The following SPATC1L variants were observed in gnomAD, a reference collection of about 807,000 sequenced individuals.
The protein encoded by SPATC1L is spermatogenesis and centriole associated 1 like, also known as speriolin-like protein.
Under a neutral mutation model 21.2 loss-of-function variants are expected in SPATC1L, and 20 were observed. The observed-to-expected ratio is 0.94, with a 90% CI of 0.66 to 1.37. SPATC1L has a LOEUF of 1.37. Ranked by LOEUF, SPATC1L falls within the 40% of genes most tolerant of loss-of-function variation. SPATC1L has a pLI of 0.00. For missense variants in SPATC1L, 499 were observed against 478.7 expected, an observed-to-expected ratio of 1.04 and a Z score of -0.40; for synonymous variants, 290 against 234.5, an observed-to-expected ratio of 1.24 and a Z score of -2.16.
intron 2 of SPATC1L, among the ~76,000 whole-genome samples, chr21:46,178,060 C>A (rs2079644990): frequency 6.6e-6 from 1 of 151,936 alleles, no homozygotes; most frequent in African/African-American, 2.4e-5. Context: ...ATGGTGAAAA[C>A]CATCTCTACT....
intron 2 of SPATC1L, 73 bp downstream of exon 2, chr21:46,182,551 C>G (rs1423548048): frequency 7.3e-7 from 1 of 1,369,710 alleles, no homozygotes; most frequent in African/African-American, 1.5e-5. Flanking sequence ...TGGCCGCCAC[C>G]CTCGACTCCC....
At chr21:46,168,234 A>T in intron 3 of SPATC1L, 74 bp downstream of exon 3, 1 of 1,054,640 alleles carries the variant, frequency 9.5e-7, no homozygotes, top group Non-Finnish European at 1.3e-6. Flanking sequence ...CTGCCTGACC[A>T]CCCAGTCATG....
chr21:46,169,278 C>A (rs1374706240), intron 2 of SPATC1L, among the ~76,000 whole-genome samples: 2 of 128,284 alleles, frequency 1.6e-5, no homozygotes, highest in Non-Finnish European at 3.7e-5. Flanking sequence ...TGAGGAGGAG[C>A]CCCCTGCTCT....
rs955161288 is a variant in SPATC1L, at chr21:46,168,669, G to A, written c.194-11C>T. The A allele has an allele frequency of 2.9e-6, 4 of 1,357,404 alleles. No individual in the cohort carries two copies. Among genetic ancestry groups the A allele is most frequent in the Non-Finnish European group, 3.8e-6 (4 of 1,041,678 alleles). The allele number at this position is 1,357,404 out of a possible 1,614,324, so 84.1% of individuals were successfully genotyped here. ...TTCCGAAATCTGGAACTGAGGCGGG[G>A]AGGAAAGGGATGAGAAATCAGGCTG... is the stretch of plus-strand genomic sequence containing the variant. On this transcript the variant is annotated splice_polypyrimidine_tract_variant and intron_variant, in intron 2 of 4. Transcript: ENST00000291672.
At chr21:46,177,809 T>C (rs115348784) in intron 2 of SPATC1L, among the ~76,000 whole-genome samples, 2,863 of 152,328 alleles carry the variant, frequency 0.019, 98 homozygotes, top group African/African-American at 0.065. Flanking sequence ...TAGAGACACA[T>C]GCACGCATAT....
chr21:46,182,706 C>G lies in SPATC1L; in HGVS notation c.111G>C (p.Gln37His), dbSNP rs1601396662. Residue 37 changes from glutamine to histidine, a missense_variant, in exon 2 of 5, where the codon CAG becomes CAC. Coordinates refer to ENST00000291672, the MANE Select transcript of SPATC1L (RefSeq NM_001142854.2). ...ENQMLRRLLS[Q>H]SCQEGGGHDL... ...CGTGGCCGCCGCCCTCCTGGCAGCT[C>G]TGGCTGAGCAGCCGCCGCAGCATCT... 1.3e-6 allele frequency: 2 copies of G among 1,545,688 alleles called. No individual in the cohort carries two copies. The highest frequency in any genetic ancestry group is 1.7e-6 in the Non-Finnish European group (2 of 1,146,616).
chr21:46,161,716 A>C lies in SPATC1L; in HGVS notation c.697-11T>G. Reference sequence around the variant, plus strand: ...AGACTTGGTGGAGGTCTGCGGGCGCAGCGCATGGATGGGGGTGGGGGGCTC... The same window carrying C: ...AGACTTGGTGGAGGTCTGCGGGCGCCGCGCATGGATGGGGGTGGGGGGCTC... On this transcript the variant is annotated splice_polypyrimidine_tract_variant and intron_variant, in intron 4 of 4. Transcript: ENST00000291672. 6.4e-7 allele frequency: 1 copy of C among 1,572,684 alleles called. No individual in the cohort carries two copies. The highest frequency in any genetic ancestry group is 8.6e-7 in the Non-Finnish European group (1 of 1,157,892).
At position 46,172,986 on chromosome 21, in the gene SPATC1L, C is replaced by T. The variant is rs189294791; in HGVS notation, c.194-4328G>A. Among the ~76,000 whole-genome samples the T allele has an allele frequency of 9.4e-4, 143 of 152,310 alleles. 2 individuals carry two copies. The highest frequency in any genetic ancestry group is 1.8e-4 in the Non-Finnish European group (12 of 68,030). Reference sequence around the variant, plus strand: ...ACCCCAGCTGGGGGAGACCCCTTGCCCACCATGGACACTCTAGTTGGCAGG... The same window carrying T: ...ACCCCAGCTGGGGGAGACCCCTTGCTCACCATGGACACTCTAGTTGGCAGG... On this transcript the variant is annotated intron_variant, in intron 2 of 4. Transcript: ENST00000291672.
Position 46,183,388 on chromosome 21 carries a change from AG to A in SPATC1L, c.-573del, listed in dbSNP as rs2079693217. On this transcript the variant is annotated 5_prime_UTR_variant, in exon 2 of 5. An upstream open reading frame in the 5' UTR gains an earlier in-frame stop. Coordinates refer to ENST00000291672, the MANE Select transcript of SPATC1L (RefSeq NM_001142854.2). ...ACACTTGAGGAGGGAGGGACTGGCA[AG>A]GGCAGTGGGAGGAGACCAGCATGTG... The A allele has an allele frequency of 5.9e-6, 1 of 170,456 alleles. No individual in the cohort carries two copies. The highest frequency in any genetic ancestry group is 1.2e-5 in the Non-Finnish European group (1 of 83,904). The allele number at this position is 170,456 out of a possible 1,614,324, so 10.6% of individuals were successfully genotyped here. A position where few individuals can be genotyped will look rare whatever the true frequency, so the allele number is the denominator to read the frequency against.
chr21:46,165,609 T>G (rs2079534612), intron 3 of SPATC1L, among the ~76,000 whole-genome samples: 1 of 137,094 alleles, frequency 7.3e-6, no homozygotes, highest in African/African-American at 3.1e-5. Flanking sequence ...ATAGAAACCT[T>G]CTGACTAGAA....
At chr21:46,175,607 G>C (rs2079626975) in intron 2 of SPATC1L, among the ~76,000 whole-genome samples, 1 of 152,100 alleles carries the variant, frequency 6.6e-6, no homozygotes, top group African/African-American at 2.4e-5. Flanking sequence ...GACTGAACTA[G>C]GAATAAATGG....
chr21:46,161,664 C>A lies in SPATC1L; in HGVS notation c.738G>T (p.Lys246Asn). The change falls in exon 5 of 5, where the codon AAG (lysine) becomes AAT (asparagine). Residue 246 changes from lysine to asparagine, a missense_variant. Coordinates refer to ENST00000291672, the MANE Select transcript of SPATC1L (RefSeq NM_001142854.2). The stretch of plus-strand genomic sequence containing the variant: ...GGTAGCGCTGCGTCAGCTCGCGCAG[C>A]TTCCTCTCGTCCACGGAGCCGTCCA... ...KSLDGSVDER[K>N]LRELTQRYLA... 6.2e-7 allele frequency: 1 copy of A among 1,607,966 alleles called. No homozygotes were observed. The highest frequency in any genetic ancestry group is 2.2e-5 in the East Asian group (1 of 44,744).
intron 2 of SPATC1L, among the ~76,000 whole-genome samples, chr21:46,171,984 T>C (rs1374576615): frequency 7.2e-6 from 1 of 138,450 alleles, no homozygotes; most frequent in Non-Finnish European, 1.6e-5. Flanking sequence ...CCAAAAATAA[T>C]TGCACAAAGT....
At position 46,161,368 on chromosome 21, in the gene SPATC1L, C is replaced by T. The variant is rs770195780; in HGVS notation, c.*11G>A. 1.4e-5 allele frequency: 21 copies of T among 1,503,294 alleles called. No individual in the cohort carries two copies. Among genetic ancestry groups the T allele is most frequent in the Middle Eastern group, 1.8e-4 (1 of 5,606 alleles). 93.1% of individuals were successfully genotyped at this position (1,503,294 alleles called of 1,614,324 possible). ...CGTTTACTGCAGGCAAGGCGGCGGG[C>T]GCGGGGCGGCTCACCAGGCGAAGAG... On this transcript the variant is annotated 3_prime_UTR_variant, in exon 5 of 5. Coordinates refer to ENST00000291672, the MANE Select transcript of SPATC1L (RefSeq NM_001142854.2).
intron 2 of SPATC1L, among the ~76,000 whole-genome samples, chr21:46,170,128 C>A (rs111640420): frequency 2.4e-5 from 1 of 42,114 alleles, no homozygotes; most frequent in Non-Finnish European, 5.0e-5. Flanking sequence ...TGGGGAGGAG[C>A]CCCTGCTCTG....
chr21:46,169,357 C>G (rs2079565727), intron 2 of SPATC1L, among the ~76,000 whole-genome samples: 1 of 113,966 alleles, frequency 8.8e-6, no homozygotes, highest in Non-Finnish European at 1.9e-5. Flanking sequence ...GGGGAGGAGC[C>G]CCCTGCTCTG....
chr21:46,166,359 C>G (rs921267078), intron 3 of SPATC1L, among the ~76,000 whole-genome samples: 1 of 149,080 alleles, frequency 6.7e-6, no homozygotes, highest in Admixed American at 6.6e-5. Context: ...AAGTGAGACC[C>G]TGTCTCCAAA....
chr21:46,172,260 G>C (rs1449814595), intron 2 of SPATC1L, among the ~76,000 whole-genome samples: 1 of 151,970 alleles, frequency 6.6e-6, no homozygotes, highest in South Asian at 2.1e-4. Flanking sequence ...CACAAGATGG[G>C]GGTGGAGAGC....
rs143491900 is a variant in SPATC1L at position 46,161,931 on chromosome 21, G to A, written c.681C>T (p.Pro227=). Residue 227 remains proline, a synonymous_variant, in exon 4 of 5, where the codon CCC becomes CCT. Coordinates refer to ENST00000291672, the MANE Select transcript of SPATC1L (RefSeq NM_001142854.2). ...RLYGFTVANI[P]EKIEQTSTKS... is the part of the protein sequence containing the mutation. ...CGGGGCGCACCTGCTCGATCTTCTCGGGGATGTTGGCCACCGTGAAGCCGT... is the reference window on the plus strand; with the variant it reads ...CGGGGCGCACCTGCTCGATCTTCTCAGGGATGTTGGCCACCGTGAAGCCGT... 2.3e-5 allele frequency: 37 copies of A among 1,607,128 alleles called. No individual in the cohort carries two copies. Among genetic ancestry groups the A allele is most frequent in the Non-Finnish European group, 3.1e-5 (36 of 1,179,358 alleles).
Sources: gnomAD v4.1 joint callset for allele counts (sites outside exome capture counted in the v4.1 genomes callset) on GRCh38, gnomAD v4.1.1 for gene constraint, MANE v1.5 for transcripts, NCBI Gene and HGNC (gene_info 2026-07-23, HGNC 2026-07-21) for gene names.